Variants in NCALD observed in about 807,000 individuals in gnomAD.
The protein encoded by NCALD is neurocalcin delta, also known as neurocalcin-delta.
Under a neutral mutation model 18.6 loss-of-function variants are expected in NCALD, and 10 were observed. That is an observed-to-expected ratio of 0.54 (90% CI 0.33 to 0.91). NCALD has a LOEUF of 0.91. NCALD is among the 40% of genes least tolerant of loss of function. The probability of loss-of-function intolerance (pLI) is 0.03; values close to 1 mark genes in which losing one functional copy is unlikely to be tolerated. For synonymous variants in NCALD, 88 were observed against 87.4 expected, an observed-to-expected ratio of 1.01 and a Z score of -0.04; for missense variants, 184 against 247.6, an observed-to-expected ratio of 0.74 and a Z score of 1.72.
intron 1 of NCALD, among the ~76,000 whole-genome samples, chr8:102,070,393 T>C (rs1186095551): frequency 6.6e-6 from 1 of 152,208 alleles, no homozygotes; most frequent in African/African-American, 2.4e-5. Context: ...GAGTATTCAT[T>C]TTTGATTTTT....
At chr8:102,045,873 C>T (rs1042443990) in intron 1 of NCALD, among the ~76,000 whole-genome samples, 4 of 152,154 alleles carry the variant, frequency 2.6e-5, no homozygotes, top group African/African-American at 4.8e-5. Flanking sequence ...TATGTTGCAT[C>T]GCTTCTGCCA....
chr8:102,048,535 G>T (rs9886663), intron 1 of NCALD, among the ~76,000 whole-genome samples: 21,152 of 152,134 alleles, frequency 0.14, 1,750 homozygotes, highest in Non-Finnish European at 0.19. Flanking sequence ...AACACAAGAG[G>T]CCATTTGGCT....
intron 1 of NCALD, among the ~76,000 whole-genome samples, chr8:102,042,554 T>C (rs1487369923): frequency 6.6e-6 from 1 of 151,838 alleles, no homozygotes; most frequent in African/African-American, 2.4e-5. Flanking sequence ...CCTGGATGTG[T>C]CCCACAGACC....
intron 1 of NCALD, among the ~76,000 whole-genome samples, chr8:102,051,429 G>A (rs1293092621): frequency 1.4e-5 from 2 of 147,646 alleles, no homozygotes; most frequent in Non-Finnish European, 3.0e-5. Flanking sequence ...TAGCCTTTGC[G>A]CTCCCCAAAG....
chr8:101,771,045 C>T (rs148798789), intron 1 of NCALD, among the ~76,000 whole-genome samples: 37 of 152,274 alleles, frequency 2.4e-4, no homozygotes, highest in Admixed American at 2.2e-3. Flanking sequence ...ATCTAAGTTC[C>T]AATTCCCCAC....
chr8:102,057,778 CA>C (rs1410885678), intron 1 of NCALD, among the ~76,000 whole-genome samples: 5 of 152,182 alleles, frequency 3.3e-5, no homozygotes, highest in African/African-American at 7.2e-5. Flanking sequence ...TATCCTTTCC[CA>C]GGGGTGAAAC....
intron 4 of NCALD, among the ~76,000 whole-genome samples, chr8:101,811,953 T>C (rs1263637302): frequency 6.6e-6 from 1 of 152,214 alleles, no homozygotes; most frequent in East Asian, 1.9e-4. Context: ...ATCAAAGAAC[T>C]GCACTGCTCT....
chr8:101,745,524 T>C (rs1413523375), intron 1 of NCALD, among the ~76,000 whole-genome samples: 1 of 152,192 alleles, frequency 6.6e-6, no homozygotes, highest in Non-Finnish European at 1.5e-5. Flanking sequence ...TCGAGTTAAT[T>C]AGAAAACTTT....
In NCALD at chr8:101,813,492, C is replaced by G. The variant is rs530198537; in HGVS notation, c.-20+73649G>C. Among the ~76,000 whole-genome samples, 3 of 152,062 alleles carry G rather than the reference C, an allele frequency of 2.0e-5. No homozygotes were observed. The South Asian group carries it at 6.2e-4, about 32-fold the overall frequency. On this transcript the variant is annotated intron_variant, in intron 4 of 6. Transcript: ENST00000311028. ...ACTTGCTCAAGGATACACAGCTAGT[C>G]GGTGGCAGATTGAAACCTATGTCAT...
rs531988713 is a variant in NCALD, at chr8:101,836,101, G to C, written c.-20+51040C>G. ...GGACGGGGCTGTGGCTGGGGTTTGC[G>C]GAGGCCTCTCTTTTCCAACTGAAGA... On this transcript the variant is annotated intron_variant, in intron 4 of 6. Transcript: ENST00000311028. Among the ~76,000 whole-genome samples the C allele has an allele frequency of 1.5e-4, 23 of 152,140 alleles. 1 individual carries two copies. The highest frequency in any genetic ancestry group is 5.3e-4 in the African/African-American group (22 of 41,502).
At chr8:101,967,503 T>C (rs1820073470) in intron 2 of NCALD, among the ~76,000 whole-genome samples, 1 of 152,146 alleles carries the variant, frequency 6.6e-6, no homozygotes, top group Non-Finnish European at 1.5e-5. Context: ...TAGTCAGATG[T>C]GGCTACTGTC....
chr8:101,974,821 T>C (rs1054588276), intron 2 of NCALD, among the ~76,000 whole-genome samples: 4 of 152,156 alleles, frequency 2.6e-5, no homozygotes, highest in Non-Finnish European at 5.9e-5. Context: ...ACCTTAGTTA[T>C]GCCAGAAAGG....
intron 4 of NCALD, among the ~76,000 whole-genome samples, chr8:101,808,919 G>T (rs572445611): frequency 1.3e-5 from 2 of 152,176 alleles, no homozygotes; most frequent in East Asian, 3.9e-4. Flanking sequence ...GAGAGAGAGG[G>T]AGAGACATAA....
intron 2 of NCALD, among the ~76,000 whole-genome samples, chr8:101,944,417 G>A (rs1420660663): frequency 6.6e-6 from 1 of 152,216 alleles, no homozygotes; most frequent in Non-Finnish European, 1.5e-5. Flanking sequence ...AAAACAGAGA[G>A]ATGCTGTAAA....
chr8:101,896,653 TCAAA>T (rs1225711612), intron 3 of NCALD, among the ~76,000 whole-genome samples: 1 of 151,422 alleles, frequency 6.6e-6, no homozygotes, highest in Non-Finnish European at 1.5e-5. Context: ...TACAATGAAC[TCAAA>T]CAAATTTACA....
At position 101,915,250 on chromosome 8, in the gene NCALD, G is replaced by A. The variant is rs146430756; in HGVS notation, c.-107+559C>T. ...CATATTTGGAGCTAACCACATTGGA[G>A]TTAGATTTGGAGCTAACTCCTACAT... On this transcript the variant is annotated intron_variant, in intron 3 of 6. Coordinates refer to the NCALD transcript ENST00000311028. Among the ~76,000 whole-genome samples the A allele has an allele frequency of 1.6e-3, 248 of 152,306 alleles. 1 individual carries two copies. Among genetic ancestry groups the A allele is most frequent in the Middle Eastern group, 3.4e-3 (1 of 294 alleles).
chr8:102,029,986 T>G (rs1332161385), intron 1 of NCALD, among the ~76,000 whole-genome samples: 1 of 152,216 alleles, frequency 6.6e-6, no homozygotes, highest in Admixed American at 6.5e-5. Flanking sequence ...TCCAGATACT[T>G]GTCTAGACAA....
chr8:102,089,580 C>A (rs1824856622), intron 1 of NCALD, among the ~76,000 whole-genome samples: 1 of 151,880 alleles, frequency 6.6e-6, no homozygotes, highest in Non-Finnish European at 1.5e-5. Context: ...AGCGTAATGC[C>A]TTTTAGTTCA....
At chr8:101,693,064 C>T (rs889600836) in intron 2 of NCALD, 168 bp from the exon 3 acceptor site, 47 of 525,378 alleles carry the variant, frequency 8.9e-5, no homozygotes, top group South Asian at 4.9e-4. Context: ...TAGAAGAAGC[C>T]GGGCCCACAA....
Sources: gnomAD v4.1 joint callset for allele counts (sites outside exome capture counted in the v4.1 genomes callset) on GRCh38, gnomAD v4.1.1 for gene constraint, MANE v1.5 for transcripts, NCBI Gene and HGNC (gene_info 2026-07-23, HGNC 2026-07-21) for gene names.